Variants in TMEM183A observed in about 807,000 individuals in gnomAD.
The protein encoded by TMEM183A is transmembrane protein 183A, also known as chromosome 1 open reading frame 37.
In TMEM183A, 21 loss-of-function variants were observed where a neutral mutation model predicts 46.7. That is an observed-to-expected ratio of 0.45 (90% CI 0.32 to 0.65). TMEM183A has a LOEUF of 0.65. Among genes scored for constraint, TMEM183A ranks in the 30% least tolerant of loss-of-function variants. The pLI, the probability that TMEM183A is intolerant of heterozygous loss-of-function variation, is 0.04. For synonymous variants in TMEM183A, 165 were observed against 180.2 expected, an observed-to-expected ratio of 0.92 and a Z score of 0.68; for missense variants, 331 against 481.9, an observed-to-expected ratio of 0.69 and a Z score of 2.93.
intron 4 of TMEM183A, 24 bp downstream of exon 4, chr1:203,015,072 T>G: frequency 6.2e-7 from 1 of 1,607,010 alleles, no homozygotes; most frequent in Non-Finnish European, 8.5e-7. Flanking sequence ...GAGCTCACTC[T>G]TTTATCTGTG....
intron 6 of TMEM183A, among the ~76,000 whole-genome samples, chr1:203,019,664 AAGG>A (rs1442912642): frequency 2.0e-5 from 3 of 152,210 alleles, no homozygotes; most frequent in Admixed American, 2.0e-4. Flanking sequence ...TTCATTGTGG[AAGG>A]AGGAGCCTCA....
At chr1:203,019,614 T>C (rs1652879698) in intron 6 of TMEM183A, among the ~76,000 whole-genome samples, 3 of 152,178 alleles carry the variant, frequency 2.0e-5, no homozygotes, top group Non-Finnish European at 2.9e-5. Flanking sequence ...TGTCAATATA[T>C]TTATATATTA....
chr1:203,011,873 T>C (rs1351262025), intron 3 of TMEM183A, among the ~76,000 whole-genome samples: 1 of 151,148 alleles, frequency 6.6e-6, no homozygotes. Flanking sequence ...ACTGGTCTTT[T>C]TTTTTTTTTT....
rs997077747 is a variant in TMEM183A at position 203,012,241 on chromosome 1, A to T, written c.368-2648A>T. The stretch of plus-strand genomic sequence containing the variant: ...ACCATTACTCCCCACTCCATCACAC[A>T]CACACACACACACACACACACACAC... On this transcript the variant is annotated intron_variant, in intron 3 of 7. Transcript: ENST00000367242. 2.2e-3 allele frequency among the ~76,000 whole-genome samples: 299 copies of T among 137,188 alleles called. 4 individuals carry two copies. The highest frequency in any genetic ancestry group is 7.5e-3 in the African/African-American group (279 of 37,272). 90.0% of individuals were successfully genotyped at this position (137,188 alleles called of 152,430 possible).
chr1:203,014,400 C>T (rs771153060), intron 3 of TMEM183A, among the ~76,000 whole-genome samples: 8 of 152,120 alleles, frequency 5.3e-5, no homozygotes, highest in Non-Finnish European at 8.8e-5. Context: ...GCCAGGAGTT[C>T]GAGACCAGCC....
At chr1:203,008,045 TTTTC>T (rs1395312948) in intron 2 of TMEM183A, among the ~76,000 whole-genome samples, 182 bp downstream of exon 2, 15 of 152,032 alleles carry the variant, frequency 9.9e-5, no homozygotes, top group African/African-American at 2.9e-4. Flanking sequence ...AGCAGAAATA[TTTTC>T]TTTCTTTCTT....
chr1:203,017,233 A>G (rs1201463396), intron 5 of TMEM183A, among the ~76,000 whole-genome samples: 1 of 152,000 alleles, frequency 6.6e-6, no homozygotes, highest in African/African-American at 2.4e-5. Context: ...TGGACAGTGT[A>G]TCTTCTCACA....
At chr1:203,014,496 T>C (rs1221339736) in intron 3 of TMEM183A, among the ~76,000 whole-genome samples, 1 of 152,090 alleles carries the variant, frequency 6.6e-6, no homozygotes, top group Admixed American at 6.6e-5. Flanking sequence ...CTAGCTACTC[T>C]GGTGGCTGAG....
rs758629901 is a variant in TMEM183A, at chr1:203,022,872, C to T, written c.963C>T (p.Ser321=). The T allele has an allele frequency of 3.7e-6, 6 of 1,613,688 alleles. No individual in the cohort carries two copies. Among genetic ancestry groups the T allele is most frequent in the Non-Finnish European group, 5.1e-6 (6 of 1,179,806 alleles). ...CATTTCAGTTTACTATCAATGTGAG[C>T]ACGGACATGCGGCATCATCGAGTGA... is the stretch of plus-strand genomic sequence containing the variant. The part of the protein sequence containing the change: ...MIFTLFTINV[S]TDMRHHRVRL... The change falls in exon 8 of 8, where the codon AGC becomes AGT. Residue 321 remains serine (S), a synonymous_variant. Transcript: ENST00000367242.
At position 203,020,907 on chromosome 1, in the gene TMEM183A, T is replaced by C. The variant is rs1184869277; in HGVS notation, c.904T>C (p.Phe302Leu). 1 of 1,612,606 alleles carries C rather than the reference T, an allele frequency of 6.2e-7. No homozygotes were observed. Among genetic ancestry groups the C allele is most frequent in the Non-Finnish European group, 8.5e-7 (1 of 1,179,678 alleles). ...CCTACTGCAGGTCACCACCCTCAATTTCATCTTTATTCCGATTGTCATGGG... is the reference window on the plus strand; with the variant it reads ...CCTACTGCAGGTCACCACCCTCAATCTCATCTTTATTCCGATTGTCATGGG... ...CCLLQVTTLN[F>L]IFIPIVMGMI... Residue 302 changes from phenylalanine to leucine, a missense_variant, in exon 7 of 8, where the codon TTC becomes CTC. By Grantham distance (22) the Phe-to-Leu change is conservative. Around this residue, in one of 2 missense-constraint regions of TMEM183A, gnomAD observed 233 missense variants for 385.8 expected, o/e 0.60. Transcript: ENST00000367242.
At chr1:203,021,367 A>G (rs1657665701) in intron 7 of TMEM183A, among the ~76,000 whole-genome samples, 1 of 152,126 alleles carries the variant, frequency 6.6e-6, no homozygotes, top group African/African-American at 2.4e-5. Context: ...GGTTTGAAGG[A>G]TATTTGTAAA....
chr1:203,020,764 C>T (rs1435506087), intron 6 of TMEM183A, 29 bp from the exon 7 acceptor site: 2 of 1,613,184 alleles, frequency 1.2e-6, no homozygotes, highest in South Asian at 2.2e-5. Flanking sequence ...TTCTTCTAAG[C>T]CATTGGATTA....
intron 3 of TMEM183A, among the ~76,000 whole-genome samples, chr1:203,014,314 A>G (rs1656958331): frequency 6.6e-6 from 1 of 152,186 alleles, no homozygotes; most frequent in South Asian, 2.1e-4. Flanking sequence ...TGAAACTTCA[A>G]AATGATGGTC....
In TMEM183A at chr1:203,013,024, T is replaced by G. The variant is rs141209791; in HGVS notation, c.368-1865T>G. 9.9e-3 allele frequency among the ~76,000 whole-genome samples: 1,505 copies of G among 152,332 alleles called. 54 individuals are homozygous for G. The highest frequency in any genetic ancestry group is 0.069 in the Admixed American group (1,063 of 15,302). On this transcript the variant is annotated intron_variant, in intron 3 of 7. Transcript: ENST00000367242. The surrounding 1 kb of genome is among the most constrained non-coding windows in gnomAD (Gnocchi z 4.0). The stretch of plus-strand genomic sequence containing the variant: ...CATGAGCCACTGCACTCAGCCACAA[T>G]AGAGGAAATTTTAATAGTCGTTTGC...
intron 6 of TMEM183A, among the ~76,000 whole-genome samples, chr1:203,018,818 A>G (rs1489184780): frequency 2.0e-5 from 3 of 152,158 alleles, no homozygotes; most frequent in African/African-American, 7.2e-5. Flanking sequence ...GGGGAGGAAC[A>G]CTTTGTCCTC....
intron 3 of TMEM183A, among the ~76,000 whole-genome samples, chr1:203,009,118 T>G (rs533800338): frequency 6.6e-6 from 1 of 152,308 alleles, no homozygotes; most frequent in South Asian, 2.1e-4. Flanking sequence ...CATAAGGCAA[T>G]GTGAAAATAA....
chr1:203,010,947 A>G (rs954752257), intron 3 of TMEM183A, among the ~76,000 whole-genome samples: 2 of 152,204 alleles, frequency 1.3e-5, no homozygotes, highest in Admixed American at 1.3e-4. Context: ...GGAATCATAC[A>G]ATATATAGTC....
chr1:203,020,691 A>G, intron 6 of TMEM183A, 102 bp from the exon 7 acceptor site: 1 of 1,399,010 alleles, frequency 7.1e-7, no homozygotes, highest in African/African-American at 1.4e-5. Context: ...ATAAAAGTGT[A>G]TCTCACTAGC....
rs1056971196 is a variant in TMEM183A, at chr1:203,024,446, G to A, written c.*1406G>A. ...GGCATTAAGACAGTATTCTTTAAAA[G>A]TGAAAATCTTGTGAGGCAAACTGCT... On this transcript the variant is annotated 3_prime_UTR_variant, in exon 8 of 8. Coordinates refer to ENST00000367242, the MANE Select transcript of TMEM183A (RefSeq NM_138391.6). 6.0e-5 allele frequency: 9 copies of A among 151,210 alleles called. No individual in the cohort carries two copies. The highest frequency in any genetic ancestry group is 1.0e-4 in the Non-Finnish European group (7 of 67,880). The allele number at this position is 151,210 out of a possible 1,614,324, so 9.4% of individuals were successfully genotyped here. A position where few individuals can be genotyped will look rare whatever the true frequency, so the allele number is the denominator to read the frequency against.
Sources: gnomAD v4.1 joint callset for allele counts (sites outside exome capture counted in the v4.1 genomes callset) on GRCh38, gnomAD v4.1.1 for gene constraint, gnomAD v4.1.1 regional missense constraint, Gnocchi (gnomAD v3.1) non-coding constraint, MANE v1.5 for transcripts, NCBI Gene and HGNC (gene_info 2026-07-23, HGNC 2026-07-21) for gene names.